Variants in SCGN observed in about 807,000 individuals in gnomAD.
The protein encoded by SCGN is secretagogin.
A neutral mutation model predicts 39.7 loss-of-function variants in SCGN; 30 were observed. That is an observed-to-expected ratio of 0.76 (90% CI 0.57 to 1.03). The LOEUF (loss-of-function observed/expected upper bound fraction) is 1.03. SCGN is among the 50% of genes least tolerant of loss of function. The probability of loss-of-function intolerance (pLI) is 0.00; values close to 1 mark genes in which losing one functional copy is unlikely to be tolerated. For synonymous variants in SCGN, 106 were observed against 114.1 expected (o/e 0.93, Z 0.45); for missense variants, 353 against 349.4 (o/e 1.01, Z -0.08).
chr6:25,689,148 GGATTTTTTTTTTTTTC>G lies in SCGN; in HGVS notation c.528-23_528-8del. ...ACTGAGAGCTGAACGATCCTTACGT[GGATTTTTTTTTTTTTC>G]TATTTAGGATTCTGGCTCTTCAGGA... On this transcript the variant is annotated splice_polypyrimidine_tract_variant and splice_region_variant and intron_variant, in intron 7 of 10. Coordinates refer to ENST00000377961, the MANE Select transcript of SCGN (RefSeq NM_006998.4). 7.0e-7 allele frequency: 1 copy of G among 1,433,498 alleles called. No individual in the cohort carries two copies. The highest frequency in any genetic ancestry group is 1.2e-5 in the South Asian group (1 of 83,350). The allele number at this position is 1,433,498 out of a possible 1,614,324, so 88.8% of individuals were successfully genotyped here. A position where few individuals can be genotyped will look rare whatever the true frequency, so the allele number is the denominator to read the frequency against.
chr6:25,697,733 G>A (rs922020111), intron 10 of SCGN, among the ~76,000 whole-genome samples: 8 of 152,302 alleles, frequency 5.3e-5, no homozygotes, highest in Middle Eastern at 3.4e-3. Flanking sequence ...AGGGAGACAG[G>A]TCAGCATTTT....
intron 7 of SCGN, among the ~76,000 whole-genome samples, chr6:25,687,813 C>G (rs1196676422): frequency 6.6e-6 from 1 of 152,066 alleles, no homozygotes; most frequent in Non-Finnish European, 1.5e-5. Context: ...AGACATTTTC[C>G]AGTGTACTAT....
At chr6:25,665,122 C>T in intron 4 of SCGN, 90 bp downstream of exon 4, 1 of 989,290 alleles carries the variant, frequency 1.0e-6, no homozygotes, top group South Asian at 1.4e-5. Flanking sequence ...CACTCCTGCC[C>T]AGTGCTCAAG....
At chr6:25,684,941 G>T (rs1759685545) in intron 7 of SCGN, among the ~76,000 whole-genome samples, 1 of 152,198 alleles carries the variant, frequency 6.6e-6, no homozygotes, top group Admixed American at 6.5e-5. Context: ...TTAAAATAGA[G>T]ATTATTCTGG....
intron 2 of SCGN, 92 bp downstream of exon 2, chr6:25,653,544 T>C: frequency 2.3e-6 from 2 of 874,108 alleles, no homozygotes; most frequent in Non-Finnish European, 3.7e-6. Context: ...TAATTCCAAC[T>C]CACCTCCTTT....
At chr6:25,653,727 C>A (rs907463437) in intron 2 of SCGN, among the ~76,000 whole-genome samples, 2 of 152,184 alleles carry the variant, frequency 1.3e-5, no homozygotes, top group South Asian at 2.1e-4. Flanking sequence ...TGGTCTTGAA[C>A]GTCTCCTTGG....
At chr6:25,664,157 G>A (rs1328175728) in intron 3 of SCGN, among the ~76,000 whole-genome samples, 4 of 152,152 alleles carry the variant, frequency 2.6e-5, no homozygotes, top group Admixed American at 6.5e-5. Flanking sequence ...TCAAACTGGT[G>A]CTCATGTAAA....
chr6:25,694,845 A>T (rs1230177365), intron 10 of SCGN, among the ~76,000 whole-genome samples: 1 of 152,182 alleles, frequency 6.6e-6, no homozygotes, highest in African/African-American at 2.4e-5. Context: ...CTTTATAAAC[A>T]GAGTCTTTCC....
chr6:25,653,439 A>C lies in SCGN; in HGVS notation c.140A>C (p.Lys47Thr). 9 of 1,612,772 alleles carry C rather than the reference A, an allele frequency of 5.6e-6. No homozygotes were observed. Among genetic ancestry groups the C allele is most frequent in the Non-Finnish European group, 7.6e-6 (9 of 1,178,996 alleles). Residue 47 changes from lysine (K) to threonine (T), a missense_variant, in exon 2 of 11, where the codon AAA becomes ACA. Coordinates refer to ENST00000377961, the MANE Select transcript of SCGN (RefSeq NM_006998.4). ...GCTTTCTTTCTCCACATGTTGATGA[A>C]ACTGGGTACTGATGTAAGTACTTGC... ...LDAFFLHMLM[K>T]LGTDDTVMKA... is the part of the protein sequence containing the mutation.
chr6:25,689,086 G>A, intron 7 of SCGN, 86 bp from the exon 8 acceptor site: 1 of 859,274 alleles, frequency 1.2e-6, no homozygotes, highest in Non-Finnish European at 1.8e-6. Flanking sequence ...GAAATTGCCT[G>A]TACTTTCCAC....
At position 25,701,629 on chromosome 6, in the gene SCGN, T is replaced by TGG. The variant is rs202186264; in HGVS notation, c.*300_*301dup. 1.8e-3 allele frequency: 471 copies of TGG among 256,682 alleles called. 3 individuals are homozygous for TGG. Among genetic ancestry groups the TGG allele is most frequent in the Middle Eastern group, 5.7e-3 (5 of 884 alleles). 15.9% of individuals were successfully genotyped at this position (256,682 alleles called of 1,614,324 possible). On this transcript the variant is annotated 3_prime_UTR_variant, in exon 11 of 11. Coordinates refer to ENST00000377961, the MANE Select transcript of SCGN (RefSeq NM_006998.4). ...GCCTGTCCTTCCCCAGTCACCAGGG[T>TGG]GGGGGGGACAGGGGCAGCTGAGTGC... is the stretch of plus-strand genomic sequence containing the variant.
At chr6:25,658,679 T>C (rs1003967) in intron 2 of SCGN, among the ~76,000 whole-genome samples, 38,445 of 152,118 alleles carry the variant, frequency 0.25, 4,881 homozygotes, top group Non-Finnish European at 0.27. Flanking sequence ...CTGCAATTTA[T>C]TTCAAATAAA....
chr6:25,681,932 T>G lies in SCGN; in HGVS notation c.472-19T>G, dbSNP rs1759641565. Reference sequence around the variant, plus strand: ...TAGTTCCTGTTACAAGTACAACCATTTTCCCTTCTGCATTTCAGATGAAGA... The same window carrying G: ...TAGTTCCTGTTACAAGTACAACCATGTTCCCTTCTGCATTTCAGATGAAGA... On this transcript the variant is annotated intron_variant, in intron 6 of 10. Coordinates refer to ENST00000377961, the MANE Select transcript of SCGN (RefSeq NM_006998.4). The G allele has an allele frequency of 2.5e-6, 4 of 1,607,302 alleles. No homozygotes were observed. The highest frequency in any genetic ancestry group is 2.6e-6 in the Non-Finnish European group (3 of 1,173,770).
intron 10 of SCGN, among the ~76,000 whole-genome samples, chr6:25,698,162 T>A (rs768135644): frequency 5.3e-5 from 8 of 152,122 alleles, no homozygotes; most frequent in Non-Finnish European, 1.0e-4. Flanking sequence ...GGCATTTAGG[T>A]CTCCTGACTC....
At chr6:25,655,327 G>A (rs968893483) in intron 2 of SCGN, among the ~76,000 whole-genome samples, 1 of 152,152 alleles carries the variant, frequency 6.6e-6, no homozygotes, top group African/African-American at 2.4e-5. Context: ...TTCATTCATC[G>A]AGTTGGGGTC....
At chr6:25,665,526 T>A (rs566530648) in intron 4 of SCGN, among the ~76,000 whole-genome samples, 1 of 152,158 alleles carries the variant, frequency 6.6e-6, no homozygotes, top group Non-Finnish European at 1.5e-5. Context: ...TTTATAACCA[T>A]GGGAGAGTAA....
chr6:25,681,392 C>T (rs1333282210), intron 6 of SCGN, among the ~76,000 whole-genome samples: 2 of 152,256 alleles, frequency 1.3e-5, no homozygotes, highest in African/African-American at 4.8e-5. Flanking sequence ...TGACTCAAAC[C>T]AAGTACCCAT....
At chr6:25,693,396 G>A (rs555510486) in intron 10 of SCGN, among the ~76,000 whole-genome samples, 4 of 140,488 alleles carry the variant, frequency 2.8e-5, no homozygotes, top group Non-Finnish European at 4.5e-5. Context: ...AGCTTGCAGT[G>A]AGCTGAGATT....
chr6:25,688,412 T>G (rs1379351808), intron 7 of SCGN, among the ~76,000 whole-genome samples: 3 of 152,230 alleles, frequency 2.0e-5, no homozygotes, highest in Non-Finnish European at 4.4e-5. Context: ...CTAAAATGTC[T>G]TGAACCAGTA....
Sources: allele counts gnomAD v4.1 joint callset (sites outside exome capture counted in the v4.1 genomes callset), GRCh38; gene constraint gnomAD v4.1.1; transcripts MANE v1.5; gene names NCBI Gene and HGNC (gene_info 2026-07-23, HGNC 2026-07-21).